CLPTM1L: variants seen among roughly 807,000 people sequenced by gnomAD.
The protein encoded by CLPTM1L is CLPTM1 like, also known as lipid scramblase CLPTM1L.
Under a neutral mutation model 70.9 loss-of-function variants are expected in CLPTM1L, and 38 were observed. The ratio of observed to expected loss-of-function variants is 0.54; its 90% CI spans 0.41 to 0.70. The LOEUF (loss-of-function observed/expected upper bound fraction) is 0.70. Ranked by LOEUF, CLPTM1L falls within the 30% of genes least tolerant of loss-of-function variation. The probability of loss-of-function intolerance (pLI) is 0.00; values close to 1 mark genes in which losing one functional copy is unlikely to be tolerated. For missense variants in CLPTM1L, 652 were observed against 705.9 expected (o/e 0.92, Z 0.87); for synonymous variants, 339 against 299.9 (o/e 1.13, Z -1.35).
At chr5:1,325,894 G>C (rs965267296) in intron 9 of CLPTM1L, 78 bp from the exon 10 acceptor site, 6 of 1,242,038 alleles carry the variant, frequency 4.8e-6, no homozygotes, top group South Asian at 1.2e-5. Context: ...AGACAGTAAC[G>C]GGTAGGACCT....
intron 3 of CLPTM1L, among the ~76,000 whole-genome samples, chr5:1,339,906 C>T (rs944011941): frequency 6.7e-5 from 10 of 149,726 alleles, no homozygotes; most frequent in African/African-American, 2.2e-4. Flanking sequence ...GCAGGGTCAG[C>T]GCCCTAACCT....
intron 3 of CLPTM1L, among the ~76,000 whole-genome samples, chr5:1,340,897 CTGGG>C (rs1753898106): frequency 1.3e-5 from 2 of 152,324 alleles, no homozygotes; most frequent in East Asian, 3.9e-4. Context: ...TCCTGAGTAG[CTGGG>C]ATTACAGGCG....
chr5:1,329,826 ACT>A (rs1281803883), intron 9 of CLPTM1L, among the ~76,000 whole-genome samples: 2 of 125,308 alleles, frequency 1.6e-5, no homozygotes, highest in Admixed American at 7.7e-5. Flanking sequence ...GGGCCTCAGG[ACT>A]CTCTGCTTGG....
intron 3 of CLPTM1L, among the ~76,000 whole-genome samples, chr5:1,340,209 GC>G (rs1560870910): frequency 6.6e-6 from 1 of 152,198 alleles, no homozygotes; most frequent in Admixed American, 6.5e-5. Flanking sequence ...GAGGGTGAGA[GC>G]CCCCTGACCT....
intron 5 of CLPTM1L, among the ~76,000 whole-genome samples, chr5:1,337,036 C>T (rs894397818): frequency 2.6e-5 from 4 of 152,276 alleles, no homozygotes; most frequent in South Asian, 2.1e-4. Flanking sequence ...TCAGAGGTGC[C>T]GAGAGCCTTA....
At chr5:1,320,964 C>T (rs943975488) in intron 15 of CLPTM1L, among the ~76,000 whole-genome samples, 10 of 152,228 alleles carry the variant, frequency 6.6e-5, no homozygotes, top group African/African-American at 2.2e-4. Flanking sequence ...TGCCCAGGCT[C>T]CCACATCGGG....
At position 1,341,820 on chromosome 5, in the gene CLPTM1L, C is replaced by A; in HGVS notation, c.304G>T (p.Gly102Trp). The change falls in exon 3 of 17, where the codon GGG (glycine) becomes TGG (tryptophan). Residue 102 changes from glycine (G) to tryptophan (W), a missense_variant. Physicochemically the swap from Gly to Trp is radical, Grantham distance 184. Transcript: ENST00000320895. Reference protein sequence around the residue: ...VSVPKKTRNNGTLYAYIFLHH... With the variant: ...VSVPKKTRNNWTLYAYIFLHH... ...AGGAAGATGTAGGCATACAGCGTCC[C>A]ATTGTTTCTCGTTTTCTTTGGTACA... is the stretch of plus-strand genomic sequence containing the variant. The A allele has an allele frequency of 6.2e-7, 1 of 1,614,002 alleles. No individual in the cohort carries two copies. The highest frequency in any genetic ancestry group is 1.3e-5 in the African/African-American group (1 of 75,056).
chr5:1,319,232 A>T (rs1752005329), intron 16 of CLPTM1L, among the ~76,000 whole-genome samples: 1 of 151,810 alleles, frequency 6.6e-6, no homozygotes, highest in African/African-American at 2.4e-5. Context: ...GGGGGATCTG[A>T]GAATGGTGAA....
intron 5 of CLPTM1L, among the ~76,000 whole-genome samples, chr5:1,337,104 AGGCAG>A (rs1181056329): frequency 6.6e-6 from 1 of 152,178 alleles, no homozygotes; most frequent in Non-Finnish European, 1.5e-5. Context: ...GCTTGCAGGG[AGGCAG>A]GGCAGGGCAG....
intron 13 of CLPTM1L, 155 bp from the exon 14 acceptor site, chr5:1,321,974 T>C: frequency 2.9e-6 from 2 of 699,076 alleles, no homozygotes; most frequent in Middle Eastern, 3.9e-4. Flanking sequence ...TCAGAGTCCA[T>C]CATGGTGTGA....
intron 2 of CLPTM1L, among the ~76,000 whole-genome samples, chr5:1,343,611 CAG>C (rs922749752): frequency 6.6e-6 from 1 of 152,194 alleles, no homozygotes; most frequent in African/African-American, 2.4e-5. Context: ...TTCATGGAGG[CAG>C]AGAGAGGGCA....
intron 8 of CLPTM1L, 28 bp from the exon 9 acceptor site, chr5:1,330,411 G>C (rs1430792285): frequency 2.1e-5 from 33 of 1,590,462 alleles, no homozygotes; most frequent in African/African-American, 4.0e-5. Context: ...GGGCTGGGAG[G>C]GGGTGCAGGG....
chr5:1,324,097 T>C, intron 11 of CLPTM1L: 1 of 559,980 alleles, frequency 1.8e-6, no homozygotes, highest in African/African-American at 1.9e-5. Context: ...CTACAGGCGC[T>C]AGTTAACAAT....
rs917524652 is a variant in CLPTM1L, at chr5:1,325,103, C to T, written c.1147-290G>A. The T allele has an allele frequency of 5.7e-6, 3 of 527,086 alleles. No individual in the cohort carries two copies. The African/African-American group carries it at 5.7e-5, about 10-fold the overall frequency. 32.7% of individuals were successfully genotyped at this position (527,086 alleles called of 1,614,324 possible). A position where few individuals can be genotyped will look rare whatever the true frequency, so the allele number is the denominator to read the frequency against. ...TTCAGTGCCACCGCTTCAGTGAGAA[C>T]ACTGCAGAGCACACAGGCACAGCCA... On this transcript the variant is annotated intron_variant, in intron 10 of 16. Coordinates refer to ENST00000320895, the MANE Select transcript of CLPTM1L (RefSeq NM_030782.5).
At chr5:1,332,644 T>G (rs1481146540) in intron 7 of CLPTM1L, among the ~76,000 whole-genome samples, 6 of 152,226 alleles carry the variant, frequency 3.9e-5, no homozygotes, top group African/African-American at 7.2e-5. Context: ...CATGGTTTAC[T>G]GTCCATGGTT....
intron 15 of CLPTM1L, among the ~76,000 whole-genome samples, chr5:1,320,975 G>A (rs1051245334): frequency 2.0e-5 from 3 of 152,216 alleles, no homozygotes; most frequent in Non-Finnish European, 4.4e-5. Flanking sequence ...CCACATCGGG[G>A]AACCCAAAGA....
At chr5:1,322,937 C>T (rs745697735) in intron 12 of CLPTM1L, 26 bp from the exon 13 acceptor site, 10 of 1,608,562 alleles carry the variant, frequency 6.2e-6, no homozygotes, top group Non-Finnish European at 8.5e-6. Context: ...AAGGAGAAGT[C>T]CTATTTCTCG....
At chr5:1,319,283 C>T (rs1380576574) in intron 16 of CLPTM1L, among the ~76,000 whole-genome samples, 1 of 140,534 alleles carries the variant, frequency 7.1e-6, no homozygotes, top group African/African-American at 2.7e-5. Flanking sequence ...GTGAGTGTTG[C>T]TTATGGTGAA....
chr5:1,343,319 C>T (rs1260662947), intron 2 of CLPTM1L, among the ~76,000 whole-genome samples: 1 of 152,142 alleles, frequency 6.6e-6, no homozygotes. Flanking sequence ...GCAGAGGGTG[C>T]AGGGCTGTGT....
Sources: allele counts gnomAD v4.1 joint callset (sites outside exome capture counted in the v4.1 genomes callset), GRCh38; gene constraint gnomAD v4.1.1; transcripts MANE v1.5; gene names NCBI Gene and HGNC (gene_info 2026-07-23, HGNC 2026-07-21).